ANKRD13A: variants seen among roughly 807,000 people sequenced by gnomAD.
ANKRD13A encodes ankyrin repeat domain 13A, also known as ankyrin repeat domain-containing protein 13A.
ANKRD13A carries 48 observed loss-of-function variants against 81.3 expected under a neutral mutation model. That is an observed-to-expected ratio of 0.59 (90% CI 0.47 to 0.75). The LOEUF (loss-of-function observed/expected upper bound fraction) is 0.75, where lower values mean the gene tolerates loss of function less well. ANKRD13A is among the 30% of genes least tolerant of loss of function. The pLI, the probability that ANKRD13A is intolerant of heterozygous loss-of-function variation, is 0.00. For missense variants in ANKRD13A, 612 were observed against 734.0 expected (o/e 0.83, Z 1.92); for synonymous variants, 230 against 270.1 (o/e 0.85, Z 1.45).
chr12:110,010,386 A>C (rs1239467786), intron 1 of ANKRD13A, among the ~76,000 whole-genome samples: 1 of 152,234 alleles, frequency 6.6e-6, no homozygotes, highest in African/African-American at 2.4e-5. Flanking sequence ...TTTGCTAATT[A>C]TTTCTTTCCT....
In ANKRD13A at chr12:110,039,677, G is replaced by C. The variant is rs1202799790; in HGVS notation, c.*2123G>C. ...GACACCTCTGTGGTCCTCCTGGAGGGGAACTGGCTCTTGTGGGGTAAGGGA... is the reference window on the plus strand; with the variant it reads ...GACACCTCTGTGGTCCTCCTGGAGGCGAACTGGCTCTTGTGGGGTAAGGGA... On this transcript the variant is annotated 3_prime_UTR_variant, in exon 15 of 15. Transcript: ENST00000261739. 6.6e-6 allele frequency: 1 copy of C among 152,240 alleles called. No individual in the cohort carries two copies. 9.4% of individuals were successfully genotyped at this position (152,240 alleles called of 1,614,324 possible).
chr12:110,037,647 C>A lies in ANKRD13A; in HGVS notation c.*93C>A. On this transcript the variant is annotated 3_prime_UTR_variant, in exon 15 of 15. Coordinates refer to ENST00000261739, the MANE Select transcript of ANKRD13A (RefSeq NM_033121.2). ...GGGCCCTAGGGCTAAGGGCCTGCAC[C>A]TTGCGTGCATGCAGCAGGCAACAAC... 3.8e-6 allele frequency: 5 copies of A among 1,304,486 alleles called. No homozygotes were observed. Among genetic ancestry groups the A allele is most frequent in the Non-Finnish European group, 5.2e-6 (5 of 956,936 alleles). The allele number at this position is 1,304,486 out of a possible 1,614,324, so 80.8% of individuals were successfully genotyped here.
chr12:110,008,722 T>C (rs1890361752), intron 1 of ANKRD13A, among the ~76,000 whole-genome samples: 1 of 152,146 alleles, frequency 6.6e-6, no homozygotes, highest in Admixed American at 6.5e-5. Flanking sequence ...CCAATTTTAC[T>C]AAAAGTACAT....
rs758997511 is a variant in ANKRD13A at position 110,029,530 on chromosome 12, C to G, written c.1129C>G (p.Gln377Glu). Reference protein sequence around the residue: ...CEEFPLSLVEQVIPIIDLMAR... With the variant: ...CEEFPLSLVEEVIPIIDLMAR... ...AGAGTTTCCCCTCTCTCTGGTGGAGCAGGTCATTCCCATCATTGACCTAAT... is the reference window on the plus strand; with the variant it reads ...AGAGTTTCCCCTCTCTCTGGTGGAGGAGGTCATTCCCATCATTGACCTAAT... The change falls in exon 11 of 15, where the codon CAG (glutamine) becomes GAG (glutamate). Residue 377 changes from glutamine (Q) to glutamate (E), a missense_variant. Transcript: ENST00000261739. 17 of 1,613,956 alleles carry G rather than the reference C, an allele frequency of 1.1e-5. No individual in the cohort carries two copies. Among genetic ancestry groups the G allele is most frequent in the Non-Finnish European group, 1.4e-5 (17 of 1,179,834 alleles).
intron 2 of ANKRD13A, among the ~76,000 whole-genome samples, chr12:110,012,447 C>A (rs1244890151): frequency 1.3e-5 from 2 of 152,132 alleles, no homozygotes; most frequent in Admixed American, 6.6e-5. Context: ...TCATCTTTAT[C>A]TTAAGATTTC....
chr12:110,039,551 C>CA lies in ANKRD13A; in HGVS notation c.*2000dup, dbSNP rs1198753779. ...CCTCACTTCGCTCAGTTCATCACTG[C>CA]AAAGGTGGCATGCTCCTCCCAGCCT... On this transcript the variant is annotated 3_prime_UTR_variant, in exon 15 of 15. Transcript: ENST00000261739. 3.3e-5 allele frequency: 5 copies of CA among 152,218 alleles called. No individual in the cohort carries two copies. Among genetic ancestry groups the CA allele is most frequent in the Admixed American group, 6.5e-5 (1 of 15,272 alleles). The allele number at this position is 152,218 out of a possible 1,614,324, so 9.4% of individuals were successfully genotyped here. A position where few individuals can be genotyped will look rare whatever the true frequency, so the allele number is the denominator to read the frequency against.
Position 109,999,840 on chromosome 12 carries a change from C to A in ANKRD13A, c.96+56C>A. 7.0e-7 allele frequency: 1 copy of A among 1,436,510 alleles called. No individual in the cohort carries two copies. Among genetic ancestry groups the A allele is most frequent in the South Asian group, 1.3e-5 (1 of 76,060 alleles). The allele number at this position is 1,436,510 out of a possible 1,614,324, so 89.0% of individuals were successfully genotyped here. A position where few individuals can be genotyped will look rare whatever the true frequency, so the allele number is the denominator to read the frequency against. On this transcript the variant is annotated intron_variant, in intron 1 of 14. Coordinates refer to ENST00000261739, the MANE Select transcript of ANKRD13A (RefSeq NM_033121.2). This position sits in a 1 kb window ranked among gnomAD's most constrained non-coding sequence, Gnocchi z 4.3. ...GTGGGGACTTCGGGGAATCGGGGGTCGTTTCGCCTCCCTGAGCCCATTTCC... is the reference window on the plus strand; with the variant it reads ...GTGGGGACTTCGGGGAATCGGGGGTAGTTTCGCCTCCCTGAGCCCATTTCC...
At position 109,999,504 on chromosome 12, in the gene ANKRD13A, C is replaced by G. The variant is rs1341508765; in HGVS notation, c.-185C>G. On this transcript the variant is annotated 5_prime_UTR_variant, in exon 1 of 15. Transcript: ENST00000261739. This position sits in a 1 kb window ranked among gnomAD's most constrained non-coding sequence, Gnocchi z 4.3. The stretch of plus-strand genomic sequence containing the variant: ...GGGGTGGGCGCGGCCGACCTGGTCC[C>G]TGAGCCGGCCGGCGACCCCGGACCT... 1 of 313,420 alleles carries G rather than the reference C, an allele frequency of 3.2e-6. No homozygotes were observed. The highest frequency in any genetic ancestry group is 2.2e-5 in the African/African-American group (1 of 45,350). 19.4% of individuals were successfully genotyped at this position (313,420 alleles called of 1,614,324 possible).
intron 13 of ANKRD13A, among the ~76,000 whole-genome samples, chr12:110,035,945 G>C (rs1019009220): frequency 6.6e-6 from 1 of 152,144 alleles, no homozygotes; most frequent in African/African-American, 2.4e-5. Context: ...TTGGTCACTT[G>C]AACTTTGCCC....
At chr12:110,014,924 C>CA (rs904931902) in intron 3 of ANKRD13A, among the ~76,000 whole-genome samples, 3 of 151,872 alleles carry the variant, frequency 2.0e-5, no homozygotes, top group African/African-American at 7.3e-5. Context: ...GCTGGGACTA[C>CA]AGGCGCCCAC....
chr12:110,020,207 T>C lies in ANKRD13A; in HGVS notation c.734+879T>C, dbSNP rs192421889. On this transcript the variant is annotated intron_variant, in intron 6 of 14. Coordinates refer to ENST00000261739, the MANE Select transcript of ANKRD13A (RefSeq NM_033121.2). ...GAGAAAATGGACGCTATTATCCTTA[T>C]AGTATTTGTCTAGAATGCCACATCC... is the stretch of plus-strand genomic sequence containing the variant. 1.5e-3 allele frequency among the ~76,000 whole-genome samples: 227 copies of C among 152,260 alleles called. 3 individuals are homozygous for C. Among genetic ancestry groups the C allele is most frequent in the Non-Finnish European group, 6.0e-4 (41 of 68,020 alleles).
In ANKRD13A at chr12:110,019,144, T is replaced by C; in HGVS notation, c.550T>C (p.Trp184Arg). 3 of 1,589,332 alleles carry C rather than the reference T, an allele frequency of 1.9e-6. No homozygotes were observed. The highest frequency in any genetic ancestry group is 2.6e-6 in the Non-Finnish European group (3 of 1,166,948). The change falls in exon 6 of 15, where the codon TGG (tryptophan) becomes CGG (arginine). Residue 184 changes from tryptophan (W) to arginine (R), a missense_variant. By Grantham distance (101) the Trp-to-Arg change is moderately radical (BLOSUM62 -3). Transcript: ENST00000261739. ...RSFIFKGEDN[W>R]AELMEVNHDD... ...GCCTTTGTTTCCATTAATAGACAAC[T>C]GGGCGGAGTTAATGGAAGTCAACCA... is the stretch of plus-strand genomic sequence containing the variant.
At position 110,011,300 on chromosome 12, in the gene ANKRD13A, G is replaced by A. The variant is rs148221071; in HGVS notation, c.97-705G>A. Reference sequence around the variant, plus strand: ...GGGGCGAGAGTGGCAGAATAGGAACGAAGAGGTAAGAGCCAGGTGTGCATG... The same window carrying A: ...GGGGCGAGAGTGGCAGAATAGGAACAAAGAGGTAAGAGCCAGGTGTGCATG... On this transcript the variant is annotated intron_variant, in intron 1 of 14. Coordinates refer to ENST00000261739, the MANE Select transcript of ANKRD13A (RefSeq NM_033121.2). Among the ~76,000 whole-genome samples, 110 of 152,308 alleles carry A rather than the reference G, an allele frequency of 7.2e-4. 1 individual carries two copies. In the Middle Eastern group the frequency reaches 0.017, roughly 24 times the overall value.
Position 110,018,300 on chromosome 12 carries a change from T to C in ANKRD13A, c.401-45T>C, listed in dbSNP as rs2137123681. 1 of 1,592,174 alleles carries C rather than the reference T, an allele frequency of 6.3e-7. No homozygotes were observed. Among genetic ancestry groups the C allele is most frequent in the East Asian group, 2.3e-5 (1 of 44,280 alleles). On this transcript the variant is annotated intron_variant, in intron 4 of 14. Transcript: ENST00000261739. This position sits in a 1 kb window ranked among gnomAD's most constrained non-coding sequence, Gnocchi z 4.4. Reference sequence around the variant, plus strand: ...CCTGATTTCCTGGCCTAGGTATTCTTCTTGGCCCTTGAGTTTTTCTCAGTA... The same window carrying C: ...CCTGATTTCCTGGCCTAGGTATTCTCCTTGGCCCTTGAGTTTTTCTCAGTA...
chr12:110,012,166 T>TCC, intron 2 of ANKRD13A, 29 bp downstream of exon 2: 12 of 1,580,636 alleles, frequency 7.6e-6, no homozygotes, highest in Non-Finnish European at 1.0e-5. Context: ...TAATTTAAAG[T>TCC]CCGTCTGAGC....
Position 110,027,717 on chromosome 12 carries a change from C to T in ANKRD13A, c.896C>T (p.Pro299Leu), listed in dbSNP as rs763641706. Reference sequence around the variant, plus strand: ...TACCCCTCTGTAGCAGACAGGAACCCGCTGGAATCTTTGCTGGGAACTGTG... The same window carrying T: ...TACCCCTCTGTAGCAGACAGGAACCTGCTGGAATCTTTGCTGGGAACTGTG... ...EKKRYKADRN[P>L]LESLLGTVEH... Residue 299 changes from proline (P) to leucine (L), a missense_variant, in exon 9 of 15, where the codon CCG becomes CTG. Pro to Leu is a moderately conservative substitution (Grantham distance 98). Coordinates refer to ENST00000261739, the MANE Select transcript of ANKRD13A (RefSeq NM_033121.2). 8.7e-6 allele frequency: 14 copies of T among 1,613,960 alleles called. No homozygotes were observed. Among genetic ancestry groups the T allele is most frequent in the Middle Eastern group, 1.6e-4 (1 of 6,084 alleles).
intron 6 of ANKRD13A, 125 bp downstream of exon 6, chr12:110,019,453 T>C: frequency 2.2e-6 from 2 of 926,588 alleles, no homozygotes; most frequent in Non-Finnish European, 3.1e-6. Context: ...TAAACACTAG[T>C]GGGTTTTAAG....
At chr12:110,013,360 A>AGTATTTC in intron 3 of ANKRD13A, 111 bp downstream of exon 3, 1 of 1,312,536 alleles carries the variant, frequency 7.6e-7, no homozygotes, top group Non-Finnish European at 1.1e-6. Flanking sequence ...CTGATTCGTG[A>AGTATTTC]ATATGAAATA....
rs192667323 is a variant in ANKRD13A at position 110,004,842 on chromosome 12, C to T, written c.96+5058C>T. 1.3e-3 allele frequency among the ~76,000 whole-genome samples: 203 copies of T among 152,214 alleles called. 1 individual carries two copies. The highest frequency in any genetic ancestry group is 4.6e-3 in the African/African-American group (193 of 41,532). On this transcript the variant is annotated intron_variant, in intron 1 of 14. Transcript: ENST00000261739. Reference sequence around the variant, plus strand: ...CAGCACTTACTGTGGTGTCAAGCACCGTGCTAAGTTAAGGACTTTCCCCTT... The same window carrying T: ...CAGCACTTACTGTGGTGTCAAGCACTGTGCTAAGTTAAGGACTTTCCCCTT...
Sources: allele counts gnomAD v4.1 joint callset (sites outside exome capture counted in the v4.1 genomes callset), GRCh38; gene constraint gnomAD v4.1.1; non-coding constraint Gnocchi (gnomAD v3.1); transcripts MANE v1.5; gene names NCBI Gene and HGNC (gene_info 2026-07-23, HGNC 2026-07-21).